Variants in FAM20C observed in about 807,000 individuals in gnomAD.
FAM20C encodes the protein FAM20C golgi associated secretory pathway kinase.
In FAM20C, 40 loss-of-function variants were observed where a neutral mutation model predicts 51.5. The observed-to-expected ratio is 0.78, with a 90% CI of 0.60 to 1.01. The LOEUF is 1.01. Ranked by LOEUF, FAM20C falls within the 50% of genes least tolerant of loss-of-function variation. The pLI, the probability that FAM20C is intolerant of heterozygous loss-of-function variation, is 0.00. For missense variants in FAM20C, 861 were observed against 844.7 expected, an observed-to-expected ratio of 1.02 and a Z score of -0.24; for synonymous variants, 406 against 380.6, an observed-to-expected ratio of 1.07 and a Z score of -0.78.
intron 3 of FAM20C, among the ~76,000 whole-genome samples, chr7:232,467 G>C (rs909205489): frequency 2.6e-5 from 4 of 152,232 alleles, no homozygotes; most frequent in African/African-American, 9.7e-5. Context: ...TGACTGTAGA[G>C]CAGGGGGTCC....
intron 5 of FAM20C, among the ~76,000 whole-genome samples, chr7:252,649 G>A (rs990142586): frequency 6.6e-6 from 1 of 152,224 alleles, no homozygotes; most frequent in African/African-American, 2.4e-5. Flanking sequence ...ACAAGGTGAG[G>A]GGGCGAGAGG....
chr7:260,071 A>AC lies in FAM20C; in HGVS notation c.*91_*92insC. The AC allele has an allele frequency of 7.1e-7, 1 of 1,417,440 alleles. No individual in the cohort carries two copies. The highest frequency in any genetic ancestry group is 9.2e-7 in the Non-Finnish European group (1 of 1,082,774). 87.8% of individuals were successfully genotyped at this position (1,417,440 alleles called of 1,614,324 possible). A position where few individuals can be genotyped will look rare whatever the true frequency, so the allele number is the denominator to read the frequency against. On this transcript the variant is annotated 3_prime_UTR_variant, in exon 10 of 10. Transcript: ENST00000313766. ...CGCCCGTCGTGAATTCAGTGAATTCAGAGGCAGGACGGGATCATCCGGAGT... is the reference window on the plus strand; with the variant it reads ...CGCCCGTCGTGAATTCAGTGAATTCACGAGGCAGGACGGGATCATCCGGAGT...
chr7:245,531 A>G (rs941589200), intron 3 of FAM20C, among the ~76,000 whole-genome samples: 5 of 152,060 alleles, frequency 3.3e-5, no homozygotes, highest in Admixed American at 2.6e-4. Context: ...CCTCCAGTGG[A>G]GGCAGGGGCC....
At chr7:252,061 C>T (rs1788422000) in intron 5 of FAM20C, among the ~76,000 whole-genome samples, 1 of 152,060 alleles carries the variant, frequency 6.6e-6, no homozygotes, top group African/African-American at 2.4e-5. Context: ...GCCCGGATTC[C>T]TCTCCTAGAG....
At chr7:224,095 C>G (rs1446677110) in intron 3 of FAM20C, among the ~76,000 whole-genome samples, 1 of 148,402 alleles carries the variant, frequency 6.7e-6, no homozygotes, top group Non-Finnish European at 1.5e-5. Context: ...GGCGGCTGTC[C>G]CCTGAGCCTT....
intron 8 of FAM20C, 69 bp downstream of exon 8, chr7:257,155 T>C: frequency 1.4e-6 from 2 of 1,421,450 alleles, no homozygotes; most frequent in South Asian, 2.5e-5. Flanking sequence ...GCAGCCCACC[T>C]GAGACCCTGG....
chr7:200,858 T>A (rs1043094084), intron 2 of FAM20C, among the ~76,000 whole-genome samples: 2 of 152,148 alleles, frequency 1.3e-5, no homozygotes, highest in Non-Finnish European at 2.9e-5. Context: ...GGCTCCCAGC[T>A]CTTCCAGCCC....
chr7:229,896 G>A (rs1187670267), intron 3 of FAM20C, among the ~76,000 whole-genome samples: 1 of 152,070 alleles, frequency 6.6e-6, no homozygotes, highest in Non-Finnish European at 1.5e-5. Context: ...GTGTTTGGAG[G>A]AATAAGAAAG....
chr7:244,603 A>G (rs1292260399), intron 3 of FAM20C, among the ~76,000 whole-genome samples: 1 of 152,230 alleles, frequency 6.6e-6, no homozygotes, highest in Non-Finnish European at 1.5e-5. Context: ...CATACCTGCC[A>G]CTGCCCTGCC....
At position 216,606 on chromosome 7, in the gene FAM20C, TGTGTGTGTGTGTATGAGTGTGTGTGA is replaced by T. The variant is rs1382175115; in HGVS notation, c.863+7640_863+7665del. 5.6e-3 allele frequency among the ~76,000 whole-genome samples: 737 copies of T among 130,892 alleles called. 9 individuals are homozygous for T. The highest frequency in any genetic ancestry group is 0.02 in the African/African-American group (700 of 35,508). 85.9% of individuals were successfully genotyped at this position (130,892 alleles called of 152,430 possible). On this transcript the variant is annotated intron_variant, in intron 3 of 9. Transcript: ENST00000313766. ...CTGCTCTTTCCAGCCTGGGAGTTTC[TGTGTGTGTGTGTATGAGTGTGTGTGA>T]GTGTGTGTGAGTGTGTGTGAGTGTG...
intron 8 of FAM20C, among the ~76,000 whole-genome samples, chr7:257,624 G>C (rs1431096039): frequency 6.6e-6 from 1 of 152,212 alleles, no homozygotes; most frequent in South Asian, 2.1e-4. Flanking sequence ...CACTTCAATA[G>C]CTAAACTGTG....
chr7:210,117 C>T (rs1026821584), intron 3 of FAM20C, among the ~76,000 whole-genome samples: 8 of 152,228 alleles, frequency 5.3e-5, no homozygotes, highest in East Asian at 1.9e-4. Context: ...CAAAATTACA[C>T]GGAGGCCATC....
intron 3 of FAM20C, among the ~76,000 whole-genome samples, chr7:211,030 G>C (rs924452833): frequency 2.6e-5 from 4 of 152,000 alleles, no homozygotes; most frequent in African/African-American, 9.7e-5. Flanking sequence ...CTGGGGTTTA[G>C]AGAAGGAAAG....
intron 3 of FAM20C, among the ~76,000 whole-genome samples, chr7:230,274 A>G (rs973990395): frequency 4.0e-5 from 6 of 149,086 alleles, no homozygotes; most frequent in African/African-American, 1.5e-4. Context: ...TGGAGCCCCC[A>G]GAGCTGGGAG....
At chr7:211,786 A>G (rs1278317869) in intron 3 of FAM20C, among the ~76,000 whole-genome samples, 1 of 152,228 alleles carries the variant, frequency 6.6e-6, no homozygotes, top group Non-Finnish European at 1.5e-5. Flanking sequence ...GGGAAAGGAT[A>G]CGTCCAAGGC....
chr7:195,840 A>T, intron 2 of FAM20C, 108 bp downstream of exon 2: 1 of 1,131,786 alleles, frequency 8.8e-7, no homozygotes, highest in Non-Finnish European at 1.1e-6. Flanking sequence ...GTTGCTCATT[A>T]CGGCAGCGTC....
intron 3 of FAM20C, among the ~76,000 whole-genome samples, chr7:211,854 G>A (rs374927179): frequency 6.6e-6 from 1 of 152,222 alleles, no homozygotes; most frequent in African/African-American, 2.4e-5. Flanking sequence ...GTGGCGGGCG[G>A]AGGCAGGGAC....
chr7:229,470 C>T (rs1472745336), intron 3 of FAM20C: 1 of 159,262 alleles, frequency 6.3e-6, no homozygotes, highest in Non-Finnish European at 1.4e-5. Context: ...TGGGGCCCCT[C>T]CTGCCTGCAG....
chr7:227,815 A>G (rs1424233674), intron 3 of FAM20C: 1 of 152,492 alleles, frequency 6.6e-6, no homozygotes, highest in Non-Finnish European at 1.5e-5. Flanking sequence ...AACCATCGCA[A>G]TTGTTTTCAA....
Sources: allele counts gnomAD v4.1 joint callset (sites outside exome capture counted in the v4.1 genomes callset), GRCh38; gene constraint gnomAD v4.1.1; transcripts MANE v1.5; gene names NCBI Gene and HGNC (gene_info 2026-07-23, HGNC 2026-07-21).